The following CSMD1 variants were observed in gnomAD, a reference collection of about 807,000 sequenced individuals.
CSMD1 encodes CUB and sushi domain-containing protein 1.
Under a neutral mutation model 417.5 loss-of-function variants are expected in CSMD1, and 213 were observed. That is an observed-to-expected ratio of 0.51 (90% CI 0.46 to 0.57). The LOEUF (loss-of-function observed/expected upper bound fraction) is 0.57. CSMD1 is among the 20% of genes least tolerant of loss of function. CSMD1 has a pLI of 0.00. For synonymous variants in CSMD1, 2,862 were observed against 1,736.8 expected, an observed-to-expected ratio of 1.65 and a Z score of -16.11; for missense variants, 6,923 against 4,529.7, an observed-to-expected ratio of 1.53 and a Z score of -15.17.
chr8:2,968,679 G>A (rs1035224284), intron 57 of CSMD1, among the ~76,000 whole-genome samples: 1 of 151,894 alleles, frequency 6.6e-6, no homozygotes, highest in Non-Finnish European at 1.5e-5. Context: ...TTCTATCAAT[G>A]CAATTATGTA....
At chr8:4,714,874 G>C (rs1475426814) in intron 1 of CSMD1, among the ~76,000 whole-genome samples, 1 of 152,166 alleles carries the variant, frequency 6.6e-6, no homozygotes, top group East Asian at 1.9e-4. Context: ...AAAAAAATCT[G>C]TATACCTTTA....
intron 52 of CSMD1, among the ~76,000 whole-genome samples, chr8:3,018,102 G>A (rs1809016592): frequency 1.3e-5 from 2 of 152,092 alleles, no homozygotes; most frequent in Admixed American, 1.3e-4. Flanking sequence ...CTGTACTTAT[G>A]TCAATTTGGA....
chr8:3,630,543 G>C (rs1348509810), intron 7 of CSMD1, among the ~76,000 whole-genome samples: 4 of 152,188 alleles, frequency 2.6e-5, no homozygotes, highest in Admixed American at 2.6e-4. Flanking sequence ...TACAGACCCA[G>C]GCAAAGCCAA....
intron 3 of CSMD1, among the ~76,000 whole-genome samples, chr8:4,388,358 G>T (rs535213527): frequency 6.7e-6 from 1 of 148,690 alleles, no homozygotes; most frequent in East Asian, 2.0e-4. Context: ...ACACATGATG[G>T]ACTGCTACTC....
intron 3 of CSMD1, among the ~76,000 whole-genome samples, chr8:4,183,411 A>T (rs1382933615): frequency 6.6e-6 from 1 of 152,230 alleles, no homozygotes; most frequent in Non-Finnish European, 1.5e-5. Context: ...GCAACTCCAT[A>T]AAACATACTG....
At chr8:3,406,955 A>T (rs1195437627) in intron 14 of CSMD1, among the ~76,000 whole-genome samples, 1 of 152,194 alleles carries the variant, frequency 6.6e-6, no homozygotes, top group Non-Finnish European at 1.5e-5. Context: ...TTTTTACTAC[A>T]CTACTTTGTT....
At chr8:4,087,525 AAAGC>A (rs1315418957) in intron 3 of CSMD1, among the ~76,000 whole-genome samples, 1 of 152,186 alleles carries the variant, frequency 6.6e-6, no homozygotes, top group Non-Finnish European at 1.5e-5. Context: ...CTGGTGTCAA[AAAGC>A]AAGGCGAGGC....
At chr8:3,010,746 CTTTT>C (rs34404492) in intron 52 of CSMD1, among the ~76,000 whole-genome samples, 2 of 143,298 alleles carry the variant, frequency 1.4e-5, no homozygotes, top group Non-Finnish European at 3.1e-5. Context: ...CTATTCCCAA[CTTTT>C]TTTTTTTTTT....
At chr8:4,626,107 A>T (rs572676134) in intron 2 of CSMD1, among the ~76,000 whole-genome samples, 1 of 152,168 alleles carries the variant, frequency 6.6e-6, no homozygotes, top group Admixed American at 6.6e-5. Context: ...TGAAAGATTC[A>T]TGTATAGACC....
intron 5 of CSMD1, among the ~76,000 whole-genome samples, chr8:3,766,434 G>C (rs944915857): frequency 1.3e-5 from 2 of 152,124 alleles, no homozygotes; most frequent in Non-Finnish European, 2.9e-5. Context: ...TGGTACCTGG[G>C]TTACTACTGT....
chr8:4,275,482 G>C (rs184150065), intron 3 of CSMD1, among the ~76,000 whole-genome samples: 1 of 151,324 alleles, frequency 6.6e-6, no homozygotes, highest in East Asian at 2.0e-4. Context: ...CACAGATCTC[G>C]TAGAGGGAGT....
intron 3 of CSMD1, among the ~76,000 whole-genome samples, chr8:4,130,871 G>A (rs966670200): frequency 6.6e-6 from 1 of 151,676 alleles, no homozygotes; most frequent in Non-Finnish European, 1.5e-5. Context: ...TAGAAAGAGT[G>A]TTCATATGCT....
At chr8:4,898,670 G>T (rs2117033221) in intron 1 of CSMD1, among the ~76,000 whole-genome samples, 1 of 152,156 alleles carries the variant, frequency 6.6e-6, no homozygotes, top group East Asian at 1.9e-4. Flanking sequence ...AAATTATACA[G>T]ACAGGAAAGA....
At chr8:3,607,609 C>T (rs1331388569) in intron 8 of CSMD1, among the ~76,000 whole-genome samples, 1 of 152,178 alleles carries the variant, frequency 6.6e-6, no homozygotes, top group Non-Finnish European at 1.5e-5. Context: ...GGAAATCTTT[C>T]AGCTCCATTA....
intron 5 of CSMD1, among the ~76,000 whole-genome samples, chr8:3,994,692 G>A (rs183652886): frequency 1.6e-3 from 239 of 152,194 alleles, no homozygotes; most frequent in African/African-American, 5.4e-3. Context: ...CCCAACGTAT[G>A]TTTAATATAA....
chr8:4,463,436 G>A (rs551131964), intron 2 of CSMD1, among the ~76,000 whole-genome samples: 3 of 152,158 alleles, frequency 2.0e-5, no homozygotes, highest in African/African-American at 4.8e-5. Flanking sequence ...TACTTAAAAT[G>A]TGTCCACGTA....
At chr8:3,439,198 A>C (rs6982744) in intron 12 of CSMD1, among the ~76,000 whole-genome samples, 69,986 of 116,492 alleles carry the variant, frequency 0.6, 21,737 homozygotes, top group East Asian at 0.75. Context: ...AACTGTTTAA[A>C]AATGTGGCTG....
At chr8:4,436,541 A>G (rs909578471) in intron 2 of CSMD1, among the ~76,000 whole-genome samples, 1 of 152,010 alleles carries the variant, frequency 6.6e-6, no homozygotes. Flanking sequence ...AAACAATCCG[A>G]TCACACTGTA....
chr8:3,587,795 A>G (rs1800669640), intron 8 of CSMD1, among the ~76,000 whole-genome samples: 1 of 152,196 alleles, frequency 6.6e-6, no homozygotes, highest in African/African-American at 2.4e-5. Context: ...AGAGAATTCA[A>G]AAGATGTAGA....
Sources: gnomAD v4.1 joint callset for allele counts (sites outside exome capture counted in the v4.1 genomes callset) on GRCh38, gnomAD v4.1.1 for gene constraint, MANE v1.5 for transcripts, NCBI Gene and HGNC (gene_info 2026-07-23, HGNC 2026-07-21) for gene names.